The following KLRG2 variants were observed in gnomAD, a reference collection of about 807,000 sequenced individuals.
KLRG2 encodes the protein killer cell lectin-like receptor subfamily G member 2.
A neutral mutation model predicts 35.4 loss-of-function variants in KLRG2; 39 were observed. The ratio of observed to expected loss-of-function variants is 1.10; its 90% CI spans 0.85 to 1.44. The LOEUF (loss-of-function observed/expected upper bound fraction) is 1.44. KLRG2 is among the 40% of genes most tolerant of loss of function. The pLI is 0.00. For missense variants in KLRG2, 632 were observed against 570.9 expected (o/e 1.11, Z -1.09); for synonymous variants, 283 against 265.8 (o/e 1.06, Z -0.63).
In KLRG2 at chr7:139,453,519, C is replaced by T; in HGVS notation, c.*68G>A. The T allele has an allele frequency of 6.6e-7, 1 of 1,525,086 alleles. No individual in the cohort carries two copies. The highest frequency in any genetic ancestry group is 8.8e-7 in the Non-Finnish European group (1 of 1,132,570). The allele number at this position is 1,525,086 out of a possible 1,614,324, so 94.5% of individuals were successfully genotyped here. A position where few individuals can be genotyped will look rare whatever the true frequency, so the allele number is the denominator to read the frequency against. On this transcript the variant is annotated 3_prime_UTR_variant, in exon 5 of 5. Coordinates refer to ENST00000340940, the MANE Select transcript of KLRG2 (RefSeq NM_198508.4). The stretch of plus-strand genomic sequence containing the variant: ...GGTCCAGGAAGAGGCTGCCCAAGCT[C>T]TCAACTGGCCTCCCCTGTAGGGGGT...
At chr7:139,452,315 A>C (rs1411281039), downstream of KLRG2, among the ~76,000 whole-genome samples, 1 of 152,122 alleles carries the variant, frequency 6.6e-6, no homozygotes, top group Non-Finnish European at 1.5e-5. Flanking sequence ...GAGTGTGAGA[A>C]GGCAGGGATA....
intron 3 of KLRG2, among the ~76,000 whole-genome samples, chr7:139,469,918 A>G (rs1390839606): frequency 2.0e-5 from 3 of 152,352 alleles, no homozygotes; most frequent in East Asian, 1.9e-4. Flanking sequence ...AGGAGTAGAG[A>G]TTCCTTATAG....
intron 3 of KLRG2, among the ~76,000 whole-genome samples, chr7:139,476,283 G>C (rs1796848877): frequency 6.6e-6 from 1 of 152,104 alleles, no homozygotes; most frequent in African/African-American, 2.4e-5. Flanking sequence ...TGCGACCTAG[G>C]AAACAGGGAA....
chr7:139,465,560 C>T (rs368153752), intron 3 of KLRG2, among the ~76,000 whole-genome samples: 3 of 152,004 alleles, frequency 2.0e-5, no homozygotes, highest in East Asian at 3.9e-4. Flanking sequence ...GGCATGGTGG[C>T]GGGTGCCTGT....
chr7:139,455,168 ACCACC>A (rs1338964085), intron 3 of KLRG2, among the ~76,000 whole-genome samples: 4 of 151,316 alleles, frequency 2.6e-5, no homozygotes, highest in African/African-American at 9.7e-5. Context: ...ACAGGCATGC[ACCACC>A]ACACCCAGGT....
chr7:139,433,318 TTTTGTTTG>T, the KLRG2 span, among the ~76,000 whole-genome samples: 2 of 144,900 alleles, frequency 1.4e-5, no homozygotes, highest in African/African-American at 5.7e-5. Flanking sequence ...GTGGTTTTTT[TTTTGTTTG>T]TTTGTTTGTT....
chr7:139,469,659 G>C (rs1324864541), intron 3 of KLRG2, among the ~76,000 whole-genome samples: 1 of 152,058 alleles, frequency 6.6e-6, no homozygotes, highest in African/African-American at 2.4e-5. Flanking sequence ...GCCCAGAATG[G>C]TTTCAAACTC....
At chr7:139,454,336 C>T in intron 3 of KLRG2, 122 bp from the exon 4 acceptor site, 1 of 644,728 alleles carries the variant, frequency 1.6e-6, no homozygotes, top group South Asian at 1.7e-5. Flanking sequence ...CTGCTCAAGC[C>T]AGCACTTGCA....
At chr7:139,449,394 C>T (rs1796343906), downstream of KLRG2, among the ~76,000 whole-genome samples, 1 of 152,074 alleles carries the variant, frequency 6.6e-6, no homozygotes, top group South Asian at 2.1e-4. Context: ...GAGTGAGGCT[C>T]CGCTTCAAAA....
chr7:139,474,361 G>A (rs145724850), intron 3 of KLRG2, among the ~76,000 whole-genome samples: 226 of 152,294 alleles, frequency 1.5e-3, no homozygotes, highest in African/African-American at 5.2e-3. Context: ...ACTAAGAGCT[G>A]ACAGTCACGG....
At chr7:139,429,727 A>G in the KLRG2 span, among the ~76,000 whole-genome samples, 1 of 152,196 alleles carries the variant, frequency 6.6e-6, no homozygotes, top group Non-Finnish European at 1.5e-5. Flanking sequence ...AGGCAGAAGA[A>G]TTGTTCTTAG....
At chr7:139,460,168 G>C (rs1031465557) in intron 3 of KLRG2, among the ~76,000 whole-genome samples, 1 of 152,148 alleles carries the variant, frequency 6.6e-6, no homozygotes, top group Non-Finnish European at 1.5e-5. Context: ...TTACAGGCAT[G>C]AGCCACTGGG....
At chr7:139,449,940 A>G (rs1025183655), downstream of KLRG2, among the ~76,000 whole-genome samples, 2 of 151,714 alleles carry the variant, frequency 1.3e-5, no homozygotes, top group Non-Finnish European at 2.9e-5. Context: ...TGACCTTGTG[A>G]TCCGCCCGCC....
chr7:139,459,952 A>G (rs1796540703), intron 3 of KLRG2, among the ~76,000 whole-genome samples: 1 of 152,130 alleles, frequency 6.6e-6, no homozygotes, highest in Non-Finnish European at 1.5e-5. Context: ...GGGTTTCACC[A>G]TGTTGGCGAG....
chr7:139,466,839 TA>T (rs780530961), intron 3 of KLRG2, among the ~76,000 whole-genome samples: 7,142 of 111,468 alleles, frequency 0.064, 464 homozygotes, highest in African/African-American at 0.19. Context: ...TATGACAACA[TA>T]AAAAAAAAAA....
At chr7:139,463,211 T>A (rs1224940008) in intron 3 of KLRG2, among the ~76,000 whole-genome samples, 1 of 152,190 alleles carries the variant, frequency 6.6e-6, no homozygotes, top group East Asian at 1.9e-4. Flanking sequence ...GGCAGCAACC[T>A]GAGACGCTTT....
chr7:139,455,081 C>T (rs1384736794), intron 3 of KLRG2, among the ~76,000 whole-genome samples: 8 of 150,998 alleles, frequency 5.3e-5, no homozygotes, highest in South Asian at 2.1e-4. Context: ...TGCAGTGGCA[C>T]GATCCTGGCT....
intron 3 of KLRG2, among the ~76,000 whole-genome samples, chr7:139,475,150 A>G (rs1796827489): frequency 2.0e-5 from 3 of 152,176 alleles, no homozygotes; most frequent in African/African-American, 7.2e-5. Flanking sequence ...TGCCTGTCCA[A>G]CGAAGTCTCC....
chr7:139,460,945 AGAGC>A (rs1310421379), intron 3 of KLRG2, among the ~76,000 whole-genome samples: 1 of 152,064 alleles, frequency 6.6e-6, no homozygotes, highest in Non-Finnish European at 1.5e-5. Context: ...CCTGGGTGAC[AGAGC>A]GAGACTCTGT....
Sources: allele counts gnomAD v4.1 joint callset (sites outside exome capture counted in the v4.1 genomes callset), GRCh38; gene constraint gnomAD v4.1.1; transcripts MANE v1.5; gene names NCBI Gene and HGNC (gene_info 2026-07-23, HGNC 2026-07-21).